Variants in COL25A1 observed in about 807,000 individuals in gnomAD.
COL25A1 encodes collagen alpha-1(XXV) chain.
Under a neutral mutation model 128.4 loss-of-function variants are expected in COL25A1, and 103 were observed. The observed-to-expected ratio is 0.80, with a 90% CI of 0.68 to 0.94. The LOEUF (loss-of-function observed/expected upper bound fraction) is 0.94. COL25A1 is among the 40% of genes least tolerant of loss of function. COL25A1 has a pLI of 0.00. For missense variants in COL25A1, 745 were observed against 840.0 expected (o/e 0.89, Z 1.40); for synonymous variants, 279 against 277.2 (o/e 1.01, Z -0.06).
At chr4:109,263,395 A>G (rs1300453424) in intron 3 of COL25A1, among the ~76,000 whole-genome samples, 1 of 152,180 alleles carries the variant, frequency 6.6e-6, no homozygotes, top group Non-Finnish European at 1.5e-5. Flanking sequence ...AAAATATTAG[A>G]AAATAAGAGT....
At chr4:109,236,092 T>A (rs954963788) in intron 3 of COL25A1, among the ~76,000 whole-genome samples, 1 of 152,042 alleles carries the variant, frequency 6.6e-6, no homozygotes, top group African/African-American at 2.4e-5. Context: ...GATAAAAAGT[T>A]ATATCCCATT....
At position 108,841,733 on chromosome 4, in the gene COL25A1, A is replaced by G; in HGVS notation, c.1630-12T>C. The stretch of plus-strand genomic sequence containing the variant: ...AGTCCATGAGGTCCCTGAAAATGGA[A>G]AACAGAGCTTTTAATTAAGAATTGA... On this transcript the variant is annotated splice_polypyrimidine_tract_variant and intron_variant, in intron 30 of 37. Transcript: ENST00000399132. 6.2e-7 allele frequency: 1 copy of G among 1,605,064 alleles called. No homozygotes were observed. The highest frequency in any genetic ancestry group is 1.1e-5 in the South Asian group (1 of 90,822).
At chr4:109,288,309 A>G (rs867728081) in intron 3 of COL25A1, among the ~76,000 whole-genome samples, 4 of 152,158 alleles carry the variant, frequency 2.6e-5, no homozygotes, top group Non-Finnish European at 4.4e-5. Context: ...TTTTAAATAC[A>G]GTAATGGAGT....
chr4:109,120,145 C>T (rs966460949), intron 3 of COL25A1, among the ~76,000 whole-genome samples: 8 of 152,020 alleles, frequency 5.3e-5, no homozygotes, highest in African/African-American at 1.7e-4. Flanking sequence ...GGATAAAGAA[C>T]ATTGACAAAA....
rs115693314 is a variant in COL25A1, at chr4:108,892,142, C to T, written c.907-2409G>A. ...GTGTGTGTTTATAATCCTCCTTCCC[C>T]ACAAAGTAAAAATGAATACTGGATT... is the stretch of plus-strand genomic sequence containing the variant. On this transcript the variant is annotated intron_variant, in intron 16 of 37. Coordinates refer to ENST00000399132, the MANE Select transcript of COL25A1 (RefSeq NM_198721.4). 7.8e-3 allele frequency among the ~76,000 whole-genome samples: 1,193 copies of T among 152,162 alleles called. 12 individuals are homozygous for T. Among genetic ancestry groups the T allele is most frequent in the African/African-American group, 0.027 (1,115 of 41,518 alleles).
intron 12 of COL25A1, among the ~76,000 whole-genome samples, chr4:108,918,437 A>G (rs1385970384): frequency 3.9e-5 from 6 of 152,246 alleles, no homozygotes; most frequent in Admixed American, 3.9e-4. Context: ...GTATCCACTT[A>G]ACTTTAATAT....
intron 3 of COL25A1, among the ~76,000 whole-genome samples, chr4:109,079,354 G>C (rs1416221670): frequency 2.0e-5 from 3 of 152,164 alleles, no homozygotes; most frequent in Admixed American, 2.0e-4. Context: ...GTGTAGCATA[G>C]TGTTTAGTAT....
intron 3 of COL25A1, among the ~76,000 whole-genome samples, chr4:109,215,806 G>C (rs998973616): frequency 1.3e-5 from 2 of 152,042 alleles, no homozygotes; most frequent in African/African-American, 4.8e-5. Context: ...GCACATATTG[G>C]GAGGATGAAT....
At chr4:108,938,923 GTTCAAGTTATAT>G (rs1252265502) in intron 10 of COL25A1, among the ~76,000 whole-genome samples, 3 of 152,118 alleles carry the variant, frequency 2.0e-5, no homozygotes, top group African/African-American at 7.2e-5. Flanking sequence ...ACCATATACA[GTTCAAGTTATAT>G]TTCTGAAAAT....
intron 33 of COL25A1, 41 bp downstream of exon 33, chr4:108,827,094 G>A (rs750436541): frequency 3.8e-5 from 60 of 1,578,484 alleles, no homozygotes; most frequent in Non-Finnish European, 4.5e-5. Context: ...GGTCATCTAT[G>A]CATGCGGAAG....
At chr4:109,113,607 A>G (rs1447068301) in intron 3 of COL25A1, among the ~76,000 whole-genome samples, 1 of 143,772 alleles carries the variant, frequency 7.0e-6, no homozygotes, top group East Asian at 2.0e-4. Flanking sequence ...AAAACTAAAT[A>G]GCTGTTTATG....
chr4:109,208,010 T>G (rs771291532), intron 3 of COL25A1, among the ~76,000 whole-genome samples: 1 of 152,186 alleles, frequency 6.6e-6, no homozygotes, highest in Non-Finnish European at 1.5e-5. Context: ...CTTTTCCTAG[T>G]GATCATAAAC....
chr4:108,950,432 C>G (rs1177239926), intron 8 of COL25A1, among the ~76,000 whole-genome samples: 1 of 152,184 alleles, frequency 6.6e-6, no homozygotes, highest in Non-Finnish European at 1.5e-5. Context: ...GAAAGATTCC[C>G]ATGCCCCATA....
intron 8 of COL25A1, among the ~76,000 whole-genome samples, chr4:108,966,614 C>T (rs1182713789): frequency 1.3e-5 from 2 of 152,104 alleles, no homozygotes; most frequent in African/African-American, 4.8e-5. Flanking sequence ...TCAGGGTAGG[C>T]TGAGGTAGGC....
At chr4:108,940,369 C>A (rs1389616740) in intron 10 of COL25A1, among the ~76,000 whole-genome samples, 170 bp downstream of exon 10, 1 of 152,102 alleles carries the variant, frequency 6.6e-6, no homozygotes, top group African/African-American at 2.4e-5. Flanking sequence ...GGGACTTTCC[C>A]ATCATCTCAC....
At chr4:109,039,695 T>C (rs1031191426) in intron 5 of COL25A1, among the ~76,000 whole-genome samples, 13 of 152,226 alleles carry the variant, frequency 8.5e-5, no homozygotes, top group African/African-American at 2.9e-4. Flanking sequence ...CACGTCTTAT[T>C]TGCCATTTAT....
At chr4:109,198,328 A>ACACACACACACT (rs1351383120) in intron 3 of COL25A1, among the ~76,000 whole-genome samples, 1 of 151,306 alleles carries the variant, frequency 6.6e-6, no homozygotes, top group African/African-American at 2.4e-5. Context: ...ACACACACAC[A>ACACACACACACT]CTGATATGTA....
At chr4:108,871,024 G>A (rs1704997124) in intron 19 of COL25A1, among the ~76,000 whole-genome samples, 1 of 152,178 alleles carries the variant, frequency 6.6e-6, no homozygotes, top group Non-Finnish European at 1.5e-5. Flanking sequence ...ATACAGGTTA[G>A]TGTTTAGTTT....
chr4:108,913,811 T>C (rs1464841337), intron 13 of COL25A1, among the ~76,000 whole-genome samples: 1 of 152,238 alleles, frequency 6.6e-6, no homozygotes, highest in Non-Finnish European at 1.5e-5. Context: ...GGTTCTACTA[T>C]AAAATTATTT....
Sources: allele counts gnomAD v4.1 joint callset (sites outside exome capture counted in the v4.1 genomes callset), GRCh38; gene constraint gnomAD v4.1.1; transcripts MANE v1.5; gene names NCBI Gene and HGNC (gene_info 2026-07-23, HGNC 2026-07-21).